The following FSCB variants were observed in gnomAD, a reference collection of about 807,000 sequenced individuals.
FSCB encodes fibrous sheath CABYR-binding protein.
For missense variants in FSCB, 975 were observed against 934.8 expected (o/e 1.04, Z -0.56); for synonymous variants, 331 against 336.6 (o/e 0.98, Z 0.18).
rs11623175 is a variant in FSCB, at chr14:44,505,944, A to G, written c.1044T>C (p.Ala348=). 0.1 allele frequency: 166,746 copies of G among 1,613,984 alleles called. 9,266 individuals are homozygous for G. The highest frequency in any genetic ancestry group is 0.11 in the Non-Finnish European group (130,001 of 1,179,968). The change falls in exon 1 of 1, where the codon GCT becomes GCC. Residue 348 remains alanine (A), a synonymous_variant. Coordinates refer to ENST00000340446, the MANE Select transcript of FSCB (RefSeq NM_032135.4). ...AEESPSVELL[A]EILPPSAEES... ...CTTCAGCTGATGGAGGCAGAATTTC[A>G]GCCAGAAGCTCTACAGAAGGAGACT...
rs1294040594 is a variant in FSCB, at chr14:44,505,519, T to A, written c.1469A>T (p.Glu490Val). ...CTCCTCAGATAGTGGAGACCGAGCT[T>A]CGGCAGGAGTTTCATCTGCAGGAGG... ...TEPPADETPA[E>V]ARSPLSEETS... The change falls in exon 1 of 1, where the codon GAA (glutamate) becomes GTA (valine). Residue 490 changes from glutamate to valine, a missense_variant. Glu to Val is a moderately radical substitution (Grantham distance 121). Coordinates refer to ENST00000340446, the MANE Select transcript of FSCB (RefSeq NM_032135.4). 1 of 1,612,202 alleles carries A rather than the reference T, an allele frequency of 6.2e-7. No homozygotes were observed. Among genetic ancestry groups the A allele is most frequent in the Non-Finnish European group, 8.5e-7 (1 of 1,179,944 alleles).
In FSCB at chr14:44,506,897, T is replaced by C. The variant is rs150784772; in HGVS notation, c.91A>G (p.Ile31Val). 240 of 1,612,700 alleles carry C rather than the reference T, an allele frequency of 1.5e-4. No individual in the cohort carries two copies. The highest frequency in any genetic ancestry group is 1.9e-4 in the Non-Finnish European group (228 of 1,178,916). ...CCTTTGCTTCCAGAAGTATTACCAA[T>C]ACGATGGGTAGCTTTGGGGCTAGAT... Reference protein sequence around the residue: ...KSSSPKATHRIGNTSGSKGSY... With the variant: ...KSSSPKATHRVGNTSGSKGSY... The change falls in exon 1 of 1, where the codon ATT becomes GTT. Residue 31 changes from isoleucine to valine, a missense_variant. By Grantham distance (29) the Ile-to-Val change is conservative. Transcript: ENST00000340446.
chr14:44,505,587 T>G lies in FSCB; in HGVS notation c.1401A>C (p.Ala467=). ...FQSPLPKETT[A]EEASAEIQLL... is the part of the protein sequence containing the mutation. ...GCTGAATTTCAGCAGAGGCCTCTTC[T>G]GCAGTGGTCTCTTTAGGTAATGGAG... Residue 467 remains alanine, a synonymous_variant, in exon 1 of 1, where the codon GCA becomes GCC. Transcript: ENST00000340446. The G allele has an allele frequency of 1.2e-6, 2 of 1,613,058 alleles. No individual in the cohort carries two copies. The highest frequency in any genetic ancestry group is 1.7e-6 in the Non-Finnish European group (2 of 1,179,978).
rs371217928 is a variant in FSCB at position 44,505,130 on chromosome 14, C to T, written c.1858G>A (p.Ala620Thr). The stretch of plus-strand genomic sequence containing the variant: ...TCAGCTGGTGGAGGCTGAACTTCAG[C>T]GGGGGCCTCCTCAGCTGGTGGAGGC... The part of the protein sequence containing the change: ...VQPPPAEEAP[A>T]EVQPPPAEEA... The change falls in exon 1 of 1, where the codon GCT (alanine) becomes ACT (threonine). Residue 620 changes from alanine to threonine, a missense_variant. By Grantham distance (58) the Ala-to-Thr change is moderately conservative. Coordinates refer to ENST00000340446, the MANE Select transcript of FSCB (RefSeq NM_032135.4). 476 of 1,598,356 alleles carry T rather than the reference C, an allele frequency of 3.0e-4. 1 individual carries two copies. Among genetic ancestry groups the T allele is most frequent in the Admixed American group, 8.4e-4 (50 of 59,372 alleles).
chr14:44,506,350 A>G lies in FSCB; in HGVS notation c.638T>C (p.Ile213Thr). ...NSNEEIGQKN[I>T]SRTSFTQETK... ...CTCCTGAGTAAATGAAGTTCTGCTG[A>G]TATTTTTCTGCCCAATTTCTTCATT... The change falls in exon 1 of 1, where the codon ATC becomes ACC. Residue 213 changes from isoleucine to threonine, a missense_variant. Transcript: ENST00000340446. 3 of 1,614,144 alleles carry G rather than the reference A, an allele frequency of 1.9e-6. No homozygotes were observed. Among genetic ancestry groups the G allele is most frequent in the Non-Finnish European group, 2.5e-6 (3 of 1,180,024 alleles).
chr14:44,506,489 T>A lies in FSCB; in HGVS notation c.499A>T (p.Ile167Phe). The change falls in exon 1 of 1, where the codon ATT becomes TTT. Residue 167 changes from isoleucine (I) to phenylalanine (F), a missense_variant. By Grantham distance (21) the Ile-to-Phe change is conservative. Coordinates refer to ENST00000340446, the MANE Select transcript of FSCB (RefSeq NM_032135.4). ...GTAGAAGAACTATCTGGCCTGGAAA[T>A]AACCACTATTTCTGATTCACTAAAG... ...TYFSESEIVV[I>F]SRPDSSSTKS... 6.2e-7 allele frequency: 1 copy of A among 1,614,216 alleles called. No homozygotes were observed. Among genetic ancestry groups the A allele is most frequent in the Non-Finnish European group, 8.5e-7 (1 of 1,180,026 alleles).
At position 44,505,855 on chromosome 14, in the gene FSCB, A is replaced by G; in HGVS notation, c.1133T>C (p.Val378Ala). Reference sequence around the variant, plus strand: ...AGACCGAATTTCACCAAGAAGCTCTACTGAAGGAGACTTTTCAGCTGGTGG... The same window carrying G: ...AGACCGAATTTCACCAAGAAGCTCTGCTGAAGGAGACTTTTCAGCTGGTGG... ...LPPPAEKSPSVELLGEIRSPS... is the reference protein window; with the variant it reads ...LPPPAEKSPSAELLGEIRSPS... Residue 378 changes from valine (V) to alanine (A), a missense_variant, in exon 1 of 1, where the codon GTA (valine) becomes GCA (alanine). Val to Ala is a moderately conservative substitution (Grantham distance 64). Transcript: ENST00000340446. The G allele has an allele frequency of 6.2e-7, 1 of 1,613,932 alleles. No individual in the cohort carries two copies. The highest frequency in any genetic ancestry group is 8.5e-7 in the Non-Finnish European group (1 of 1,179,952).
rs1296559700 is a variant in FSCB at position 44,506,679 on chromosome 14, T to C, written c.309A>G (p.Glu103=). The C allele has an allele frequency of 6.2e-7, 1 of 1,614,194 alleles. No individual in the cohort carries two copies. The highest frequency in any genetic ancestry group is 2.2e-5 in the East Asian group (1 of 44,882). Residue 103 remains glutamate (E), a synonymous_variant, in exon 1 of 1, where the codon GAA becomes GAG. Transcript: ENST00000340446. ...VPEEKSADVR[E]AAIELPESVQ... is the part of the protein sequence containing the mutation. ...CACTCTCTGGCAATTCAATAGCAGC[T>C]TCTCTAACATCAGCTGACTTTTCTT...
Position 44,505,214 on chromosome 14 carries a change from C to T in FSCB, c.1774G>A (p.Ala592Thr), listed in dbSNP as rs1244584184. Reference protein sequence around the residue: ...EETTAEEASAAIQLLAATEAS... With the variant: ...EETTAEEASATIQLLAATEAS... ...TCTGTAGCTGCTAGAAGCTGAATTG[C>T]AGCAGAGGCCTCTTCTGCAGTGGTC... The change falls in exon 1 of 1, where the codon GCA (alanine) becomes ACA (threonine). Residue 592 changes from alanine (A) to threonine (T), a missense_variant. By Grantham distance (58) the Ala-to-Thr change is moderately conservative. Coordinates refer to ENST00000340446, the MANE Select transcript of FSCB (RefSeq NM_032135.4). 6.2e-7 allele frequency: 1 copy of T among 1,612,832 alleles called. No homozygotes were observed. The highest frequency in any genetic ancestry group is 8.5e-7 in the Non-Finnish European group (1 of 1,179,834).
Position 44,506,856 on chromosome 14 carries a change from T to C in FSCB, c.132A>G (p.Lys44=). ...AAGATACTCTAATAGACTCATAGGC[T>C]TTGGCAGAGTAGCTGCCTTTGCTTC... ...TSGSKGSYSA[K]AYESIRVSSE... Residue 44 remains lysine (K), a synonymous_variant, in exon 1 of 1, where the codon AAA becomes AAG. Coordinates refer to ENST00000340446, the MANE Select transcript of FSCB (RefSeq NM_032135.4). 1.2e-6 allele frequency: 2 copies of C among 1,613,816 alleles called. No homozygotes were observed. The highest frequency in any genetic ancestry group is 1.7e-6 in the Non-Finnish European group (2 of 1,179,720).
In FSCB at chr14:44,506,234, C is replaced by T; in HGVS notation, c.754G>A (p.Val252Met). The T allele has an allele frequency of 1.2e-6, 2 of 1,614,152 alleles. No homozygotes were observed. Residue 252 changes from valine (V) to methionine (M), a missense_variant, in exon 1 of 1, where the codon GTG becomes ATG. By Grantham distance (21) the Val-to-Met change is conservative. Coordinates refer to ENST00000340446, the MANE Select transcript of FSCB (RefSeq NM_032135.4). ...VVQEGSAVKK[V>M]ASAEIEPPST... ...GGAGGCTCTATTTCAGCAGAAGCCACTTTTTTAACAGCAGAACCTTCTTGT... is the reference window on the plus strand; with the variant it reads ...GGAGGCTCTATTTCAGCAGAAGCCATTTTTTTAACAGCAGAACCTTCTTGT...
rs569048873 is a variant in FSCB at position 44,505,322 on chromosome 14, G to A, written c.1666C>T (p.Pro556Ser). Residue 556 changes from proline (P) to serine (S), a missense_variant, in exon 1 of 1, where the codon CCT becomes TCT. Physicochemically the swap from Pro to Ser is moderately conservative, Grantham distance 74. Transcript: ENST00000340446. The stretch of plus-strand genomic sequence containing the variant: ...GCTGATGGAGACTGAACTTCAGCAG[G>A]AGCCTCTTCTGCAGAAGTCTCCTCA... ...LSEETSAEEA[P>S]AEVQSPSAKG... The A allele has an allele frequency of 1.4e-5, 23 of 1,613,222 alleles. No individual in the cohort carries two copies. Among genetic ancestry groups the A allele is most frequent in the East Asian group, 6.7e-5 (3 of 44,834 alleles).
In FSCB at chr14:44,506,408, C is replaced by T. The variant is rs199704834; in HGVS notation, c.580G>A (p.Glu194Lys). The change falls in exon 1 of 1, where the codon GAA (glutamate) becomes AAA (lysine). Residue 194 changes from glutamate (E) to lysine (K), a missense_variant. Physicochemically the swap from Glu to Lys is moderately conservative, Grantham distance 56. Coordinates refer to ENST00000340446, the MANE Select transcript of FSCB (RefSeq NM_032135.4). ...HKSSGKIFAS[E>K]HPEFQPATNS... ...GTTGCTGGTTGAAATTCAGGGTGTT[C>T]ACTAGCAAAAATCTTTCCCGACGAT... 2.5e-6 allele frequency: 4 copies of T among 1,614,128 alleles called. No individual in the cohort carries two copies. Among genetic ancestry groups the T allele is most frequent in the Middle Eastern group, 1.6e-4 (1 of 6,062 alleles).
In FSCB at chr14:44,506,533, T is replaced by G; in HGVS notation, c.455A>C (p.Asp152Ala). ...MMNIPPVEKVDKEQQTYFSES... is the reference protein window; with the variant it reads ...MMNIPPVEKVAKEQQTYFSES... ...ACTAAAGTATGTCTGTTGTTCCTTGTCCACTTTTTCTACAGGGGGGATGTT... is the reference window on the plus strand; with the variant it reads ...ACTAAAGTATGTCTGTTGTTCCTTGGCCACTTTTTCTACAGGGGGGATGTT... The change falls in exon 1 of 1, where the codon GAC becomes GCC. Residue 152 changes from aspartate (D) to alanine (A), a missense_variant. Coordinates refer to ENST00000340446, the MANE Select transcript of FSCB (RefSeq NM_032135.4). 9 of 1,614,186 alleles carry G rather than the reference T, an allele frequency of 5.6e-6. No individual in the cohort carries two copies. The highest frequency in any genetic ancestry group is 7.6e-6 in the Non-Finnish European group (9 of 1,180,022).
At position 44,506,734 on chromosome 14, in the gene FSCB, A is replaced by C. The variant is rs1779884439; in HGVS notation, c.254T>G (p.Val85Gly). The C allele has an allele frequency of 6.2e-7, 1 of 1,613,946 alleles. No homozygotes were observed. ...TACCACGGTTTCCTCAACTAACTTG[A>C]CTTCTTTTTTCTCTTCTACAATGGT... is the stretch of plus-strand genomic sequence containing the variant. The part of the protein sequence containing the change: ...TDTIVEEKKE[V>G]KLVEETVVPE... The change falls in exon 1 of 1, where the codon GTC becomes GGC. Residue 85 changes from valine to glycine, a missense_variant. Coordinates refer to ENST00000340446, the MANE Select transcript of FSCB (RefSeq NM_032135.4).
rs753962867 is a variant in FSCB, at chr14:44,506,251, C to A, written c.737G>T (p.Gly246Val). Residue 246 changes from glycine to valine, a missense_variant, in exon 1 of 1, where the codon GGT becomes GTT. Physicochemically the swap from Gly to Val is moderately radical, Grantham distance 109 (BLOSUM62 -3). Transcript: ENST00000340446. ...AGAAGCCACTTTTTTAACAGCAGAA[C>A]CTTCTTGTACAACAGGTACAGTTAC... ...EEVTVPVVQE[G>V]SAVKKVASAE... is the part of the protein sequence containing the mutation. The A allele has an allele frequency of 1.5e-5, 24 of 1,614,024 alleles. 1 individual carries two copies. Among genetic ancestry groups the A allele is most frequent in the African/African-American group, 4.0e-5 (3 of 74,912 alleles).
At position 44,506,471 on chromosome 14, in the gene FSCB, AACT is replaced by A. The variant is rs761835952; in HGVS notation, c.514_516del (p.Ser174del). On this transcript the variant is annotated inframe_deletion, in exon 1 of 1. Coordinates refer to ENST00000340446, the MANE Select transcript of FSCB (RefSeq NM_032135.4). Reference sequence around the variant, plus strand: ...GCATCTTCCTTTGACTTTGTAGAAGAACTATCTGGCCTGGAAATAACCACTATT... The same window carrying A: ...GCATCTTCCTTTGACTTTGTAGAAGAATCTGGCCTGGAAATAACCACTATT... 4 of 1,614,212 alleles carry A rather than the reference AACT, an allele frequency of 2.5e-6. No homozygotes were observed. The African/African-American group carries it at 5.3e-5, about 22-fold the overall frequency.
In FSCB at chr14:44,505,952, G is replaced by A. The variant is rs372946175; in HGVS notation, c.1036C>T (p.Leu346Phe). ...PSAEESPSVELLAEILPPSAE... is the reference protein window; with the variant it reads ...PSAEESPSVEFLAEILPPSAE... ...GATGGAGGCAGAATTTCAGCCAGAAGCTCTACAGAAGGAGACTCTTCAGCT... is the reference window on the plus strand; with the variant it reads ...GATGGAGGCAGAATTTCAGCCAGAAACTCTACAGAAGGAGACTCTTCAGCT... Residue 346 changes from leucine (L) to phenylalanine (F), a missense_variant, in exon 1 of 1, where the codon CTT becomes TTT. By Grantham distance (22) the Leu-to-Phe change is conservative. Transcript: ENST00000340446. 11 of 1,613,144 alleles carry A rather than the reference G, an allele frequency of 6.8e-6. No homozygotes were observed. The African/African-American group carries it at 1.3e-4, about 20-fold the overall frequency.
Position 44,506,456 on chromosome 14 carries a change from T to C in FSCB, c.532A>G (p.Lys178Glu). 6.2e-7 allele frequency: 1 copy of C among 1,614,212 alleles called. No homozygotes were observed. Residue 178 changes from lysine (K) to glutamate (E), a missense_variant, in exon 1 of 1, where the codon AAG (lysine) becomes GAG (glutamate). Lys to Glu is a moderately conservative substitution (Grantham distance 56, BLOSUM62 1). Coordinates refer to ENST00000340446, the MANE Select transcript of FSCB (RefSeq NM_032135.4). Reference sequence around the variant, plus strand: ...GATTTATGTTTCAGGGCATCTTCCTTTGACTTTGTAGAAGAACTATCTGGC... The same window carrying C: ...GATTTATGTTTCAGGGCATCTTCCTCTGACTTTGTAGAAGAACTATCTGGC... ...SRPDSSSTKS[K>E]EDALKHKSSG...
Sources: allele counts gnomAD v4.1 joint callset, GRCh38; gene constraint gnomAD v4.1.1; transcripts MANE v1.5; gene names NCBI Gene and HGNC (gene_info 2026-07-23, HGNC 2026-07-21).